The following DNAH17 variants were observed in gnomAD, a reference collection of about 807,000 sequenced individuals.
The protein encoded by DNAH17 is axonemal beta dynein heavy chain 17.
Under a neutral mutation model 485.6 loss-of-function variants are expected in DNAH17, and 376 were observed. That is an observed-to-expected ratio of 0.77 (90% CI 0.71 to 0.84). DNAH17 has a LOEUF of 0.84. DNAH17 is among the 40% of genes least tolerant of loss of function. The probability of loss-of-function intolerance (pLI) is 0.00; values close to 1 mark genes in which losing one functional copy is unlikely to be tolerated. For missense variants in DNAH17, 6,370 were observed against 5,839.3 expected, an observed-to-expected ratio of 1.09 and a Z score of -2.96; for synonymous variants, 3,031 against 2,405.9, an observed-to-expected ratio of 1.26 and a Z score of -7.60.
At chr17:78,555,213 G>A (rs1401983932) in intron 14 of DNAH17, among the ~76,000 whole-genome samples, 1 of 152,162 alleles carries the variant, frequency 6.6e-6, no homozygotes, top group Non-Finnish European at 1.5e-5. Flanking sequence ...AAAGCAAGAC[G>A]ATGTGTAGCA....
Position 78,431,547 on chromosome 17 carries a change from CT to C in DNAH17, c.12226-2248del, listed in dbSNP as rs200342366. Among the ~76,000 whole-genome samples, 12 of 150,706 alleles carry C rather than the reference CT, an allele frequency of 8.0e-5. 1 individual carries two copies. The East Asian group carries it at 2.3e-3, about 29-fold the overall frequency. ...TGTTTCAAAGCAACGTTCCATCAGA[CT>C]TTTGTGTTCCGTTCGCATGGGAATC... On this transcript the variant is annotated intron_variant, in intron 75 of 80. Transcript: ENST00000389840.
At position 78,570,357 on chromosome 17, in the gene DNAH17, C is replaced by CA. The variant is rs776694038; in HGVS notation, c.933dup (p.Ala312CysfsTer15). The CA allele has an allele frequency of 2.5e-6, 4 of 1,610,588 alleles. No individual in the cohort carries two copies. Among genetic ancestry groups the CA allele is most frequent in the Non-Finnish European group, 3.4e-6 (4 of 1,178,770 alleles). Reference sequence around the variant, plus strand: ...AAGCAGATGGTGTCCAGCACCTTGGCAATGAAGGTGGGGAGCTGGGGGGAG... The same window carrying CA: ...AAGCAGATGGTGTCCAGCACCTTGGCAAATGAAGGTGGGGAGCTGGGGGGAG... On this transcript the variant is annotated frameshift_variant, in exon 7 of 81. Transcript: ENST00000389840. LOFTEE classifies it high-confidence loss of function.
intron 74 of DNAH17, among the ~76,000 whole-genome samples, chr17:78,434,650 G>GGGGGAT (rs1362671221): frequency 6.6e-6 from 1 of 152,066 alleles, no homozygotes; most frequent in Non-Finnish European, 1.5e-5. Context: ...GATAGAGGAT[G>GGGGGAT]GGGGATGGGA....
intron 22 of DNAH17, among the ~76,000 whole-genome samples, chr17:78,529,028 C>T (rs1281433282): frequency 6.6e-6 from 1 of 151,652 alleles, no homozygotes; most frequent in Non-Finnish European, 1.5e-5. Flanking sequence ...ACTGCAACAT[C>T]TGCCTCCCTG....
In DNAH17 at chr17:78,507,332, A is replaced by G. The variant is rs774391111; in HGVS notation, c.4622T>C (p.Val1541Ala). ...GAGGCCGGGTTTGCTGGTGGCTTCCACCACGTTGGGTGTTTTCACTGCATC... is the reference window on the plus strand; with the variant it reads ...GAGGCCGGGTTTGCTGGTGGCTTCCGCCACGTTGGGTGTTTTCACTGCATC... ...MEDAVKTPNV[V>A]EATSKPGLYN... The change falls in exon 29 of 81, where the codon GTG becomes GCG. Residue 1541 changes from valine (V) to alanine (A), a missense_variant. By Grantham distance (64) the Val-to-Ala change is moderately conservative (BLOSUM62 0). Transcript: ENST00000389840. The G allele has an allele frequency of 3.1e-6, 5 of 1,614,018 alleles. No individual in the cohort carries two copies. The South Asian group carries it at 5.5e-5, about 18-fold the overall frequency.
At chr17:78,490,369 G>C (rs1317096109) in intron 44 of DNAH17, among the ~76,000 whole-genome samples, 2 of 152,170 alleles carry the variant, frequency 1.3e-5, no homozygotes, top group Non-Finnish European at 2.9e-5. Context: ...GAGGCAGCCT[G>C]ACCCTTTGGA....
intron 41 of DNAH17, 95 bp downstream of exon 41, chr17:78,493,941 C>T (rs1218147973): frequency 6.8e-7 from 1 of 1,472,962 alleles, no homozygotes; most frequent in African/African-American, 1.4e-5. Context: ...GTTGGGGTCT[C>T]CGGGGTGGCG....
chr17:78,506,273 C>T (rs2090483418), intron 30 of DNAH17, among the ~76,000 whole-genome samples: 1 of 151,202 alleles, frequency 6.6e-6, no homozygotes, highest in African/African-American at 2.4e-5. Flanking sequence ...TCCTGAGTAG[C>T]TGGGATTACA....
intron 69 of DNAH17, among the ~76,000 whole-genome samples, chr17:78,446,559 C>T (rs7211232): frequency 0.17 from 26,006 of 152,184 alleles, 3,629 homozygotes; most frequent in African/African-American, 0.38. Context: ...TGGCATTCTC[C>T]ATTCACCTGC....
intron 17 of DNAH17, 159 bp downstream of exon 17, chr17:78,543,698 T>TAC: frequency 9.2e-7 from 1 of 1,083,710 alleles, no homozygotes. Flanking sequence ...GTGCTGGGAT[T>TAC]ACAGGTGAGA....
intron 22 of DNAH17, among the ~76,000 whole-genome samples, chr17:78,528,512 G>A (rs2091137844): frequency 6.6e-6 from 1 of 152,168 alleles, no homozygotes. Context: ...TGGGGTCTTG[G>A]GCACTGTCTG....
chr17:78,553,290 T>TG, intron 14 of DNAH17, among the ~76,000 whole-genome samples: 1 of 35,062 alleles, frequency 2.9e-5, no homozygotes, highest in Admixed American at 3.0e-4. Context: ...TGTGTTTTTT[T>TG]TTTTTTTTTT....
chr17:78,506,926 A>C (rs2090501445), intron 29 of DNAH17, 80 bp from the exon 30 acceptor site: 1 of 1,574,422 alleles, frequency 6.4e-7, no homozygotes, highest in Non-Finnish European at 8.7e-7. Context: ...TCGGCGAAGG[A>C]AACTGATCAT....
chr17:78,514,308 C>A (rs755606719), intron 26 of DNAH17, among the ~76,000 whole-genome samples: 5 of 151,940 alleles, frequency 3.3e-5, no homozygotes, highest in Non-Finnish European at 7.4e-5. Context: ...AGTTCGAGAC[C>A]AGCCTGGCCA....
intron 70 of DNAH17, among the ~76,000 whole-genome samples, chr17:78,445,049 C>T (rs1283202719): frequency 1.3e-5 from 2 of 152,196 alleles, no homozygotes; most frequent in Non-Finnish European, 2.9e-5. Flanking sequence ...GGGCTAGGGG[C>T]TGCTTCTCTA....
At chr17:78,452,170 C>T (rs1170322275) in intron 65 of DNAH17, among the ~76,000 whole-genome samples, 7 of 151,556 alleles carry the variant, frequency 4.6e-5, no homozygotes, top group Non-Finnish European at 4.4e-5. Flanking sequence ...AGGCCCCTCC[C>T]AGAGTCTAGG....
At chr17:78,462,226 G>A (rs1438451496) in intron 57 of DNAH17, among the ~76,000 whole-genome samples, 4 of 146,476 alleles carry the variant, frequency 2.7e-5, no homozygotes, top group Non-Finnish European at 6.0e-5. Context: ...CCTCCAGGCT[G>A]GTGGGAGAGT....
Position 78,466,637 on chromosome 17 carries a change from G to A in DNAH17, c.8940+18C>T, listed in dbSNP as rs770097733. ...CTCTGGGCTCTACACTCAGGCAGAG[G>A]TGGCCTCAGTGACTCACCGGAATCC... On this transcript the variant is annotated intron_variant, in intron 56 of 80. Coordinates refer to ENST00000389840, the MANE Select transcript of DNAH17 (RefSeq NM_173628.4). 3.8e-6 allele frequency: 6 copies of A among 1,595,942 alleles called. No individual in the cohort carries two copies. In the South Asian group the frequency reaches 6.8e-5, roughly 18 times the overall value.
At chr17:78,517,185 G>A (rs1412118412) in intron 25 of DNAH17, among the ~76,000 whole-genome samples, 2 of 152,166 alleles carry the variant, frequency 1.3e-5, no homozygotes, top group East Asian at 1.9e-4. Flanking sequence ...TGGGACTACA[G>A]GCACATGTCA....
Sources: gnomAD v4.1 joint callset for allele counts (sites outside exome capture counted in the v4.1 genomes callset) on GRCh38, gnomAD v4.1.1 for gene constraint, MANE v1.5 for transcripts, NCBI Gene and HGNC (gene_info 2026-07-23, HGNC 2026-07-21) for gene names.